The following WAS variants were observed in gnomAD, a reference collection of about 807,000 sequenced individuals.
The protein encoded by WAS is WASP actin nucleation promoting factor.
WAS carries 1 observed loss-of-function variant against 38.9 expected under a neutral mutation model. That is an observed-to-expected ratio of 0.03 (90% confidence interval 0.01 to 0.12). The LOEUF (loss-of-function observed/expected upper bound fraction) is 0.12. Ranked by LOEUF, WAS falls within the 10% of genes least tolerant of loss-of-function variation. WAS has a pLI of 1.00. For synonymous variants in WAS, 182 were observed against 173.6 expected, an observed-to-expected ratio of 1.05 and a Z score of -0.38; for missense variants, 311 against 431.2, an observed-to-expected ratio of 0.72 and a Z score of 2.47.
chrX:48,688,222 AC>A, intron 8 of WAS, 77 bp from the exon 9 acceptor site: 1 of 1,160,303 alleles, frequency 8.6e-7, no homozygotes. Context: ...GCTGGGATGG[AC>A]CCAACGACAA....
chrX:48,676,856 A>G (rs2062392177), intron 1 of WAS: 1 of 112,897 alleles, frequency 8.9e-6, no homozygotes, highest in Admixed American at 9.3e-5. Flanking sequence ...AGGGTCGCAC[A>G]CGCTGGAGAG....
chrX:48,686,917 G>A lies in WAS; in HGVS notation c.696G>A (p.Lys232=), dbSNP rs368379103. The stretch of plus-strand genomic sequence containing the variant: ...ATAAGAAACGCTCAGGGAAGAAGAA[G>A]ATCAGCAAAGCTGATATTGGTGCAC... ...PADKKRSGKK[K]ISKADIGAPS... is the part of the protein sequence containing the mutation. The change falls in exon 7 of 12, where the codon AAG becomes AAA. Residue 232 remains lysine, a synonymous_variant. Transcript: ENST00000376701. 7.9e-5 allele frequency: 96 copies of A among 1,208,697 alleles called. 1 individual carries two copies. The highest frequency in any genetic ancestry group is 1.0e-4 in the Non-Finnish European group (91 of 894,494).
chrX:48,688,934 G>A lies in WAS; in HGVS notation c.1206G>A (p.Pro402=), dbSNP rs1557007285. Residue 402 remains proline, a synonymous_variant, in exon 10 of 12, where the codon CCG becomes CCA. Coordinates refer to ENST00000376701, the MANE Select transcript of WAS (RefSeq NM_000377.3). ...PMPPPPPPPP[P]PPSSGNGPAP... ...CACCACCACCGCCACCACCGCCACC[G>A]CCGCCCAGCTCCGGGAATGGACCAG... The A allele has an allele frequency of 7.3e-6, 8 of 1,100,511 alleles. No homozygotes were observed. The South Asian group carries it at 8.0e-5, about 11-fold the overall frequency. The allele number at this position is 1,100,511 out of a possible 1,213,427, so 90.7% of individuals were successfully genotyped here. A position where few individuals can be genotyped will look rare whatever the true frequency, so the allele number is the denominator to read the frequency against.
Position 48,686,814 on chromosome X carries a change from C to T in WAS, c.593C>T (p.Ala198Val), listed in dbSNP as rs200261212. 2.3e-5 allele frequency: 28 copies of T among 1,210,027 alleles called. No individual in the cohort carries two copies. Among genetic ancestry groups the T allele is most frequent in the Middle Eastern group, 4.8e-4 (2 of 4,147 alleles). Residue 198 changes from alanine to valine, a missense_variant, in exon 7 of 12, where the codon GCG (alanine) becomes GTG (valine). Ala to Val is a moderately conservative substitution (Grantham distance 64, BLOSUM62 0). This residue lies in a region of WAS where 74 missense variants were observed against 131.2 expected (regional missense o/e 0.56). Transcript: ENST00000376701. ...GTGGGTCCGCTCTCCCTGGGGCTGG[C>T]GACAGTGGACATCCAGAACCCTGAC... is the stretch of plus-strand genomic sequence containing the variant. ...PPVGPLSLGL[A>V]TVDIQNPDIT... is the part of the protein sequence containing the mutation.
upstream of WAS, chrX:48,683,422 T>A: frequency 1.5e-5 from 2 of 133,287 alleles, no homozygotes; most frequent in South Asian, 4.1e-4. Context: ...CCTTCCGGAC[T>A]AGGGACCTCG....
At position 48,687,622 on chromosome X, in the gene WAS, T is replaced by C. The variant is rs138249592; in HGVS notation, c.735-432T>C. ...CAATGGATAAGTGAACAGAAGTGTG[T>C]GGTTGCATGGGTAGAAAAATGAGTG... is the stretch of plus-strand genomic sequence containing the variant. On this transcript the variant is annotated intron_variant, in intron 7 of 11. Coordinates refer to ENST00000376701, the MANE Select transcript of WAS (RefSeq NM_000377.3). 4.2e-3 allele frequency among the ~76,000 whole-genome samples: 459 copies of C among 109,896 alleles called. 1 individual carries two copies. The highest frequency in any genetic ancestry group is 6.7e-3 in the Non-Finnish European group (353 of 52,552).
Position 48,688,883 on chromosome X carries a change from C to T in WAS, c.1155C>T (p.Pro385=), listed in dbSNP as rs781854985. Residue 385 remains proline (P), a synonymous_variant, in exon 10 of 12, where the codon CCC becomes CCT. Coordinates refer to ENST00000376701, the MANE Select transcript of WAS (RefSeq NM_000377.3). ...GTTCTGGACCACTGCCCCCTCCACC[C>T]CCTGGAGCTGGTGGGCCACCCATGC... ...TGRSGPLPPP[P]PGAGGPPMPP... The T allele has an allele frequency of 1.7e-6, 2 of 1,166,982 alleles. No individual in the cohort carries two copies. Among genetic ancestry groups the T allele is most frequent in the African/African-American group, 1.8e-5 (1 of 56,413 alleles).
In WAS at chrX:48,687,027, G is replaced by A. The variant is rs781880558; in HGVS notation, c.734+72G>A. 171 of 1,126,458 alleles carry A rather than the reference G, an allele frequency of 1.5e-4. No homozygotes were observed. The South Asian group carries it at 3.1e-3, about 20-fold the overall frequency. The allele number at this position is 1,126,458 out of a possible 1,213,427, so 92.8% of individuals were successfully genotyped here. A position where few individuals can be genotyped will look rare whatever the true frequency, so the allele number is the denominator to read the frequency against. Reference sequence around the variant, plus strand: ...GGCACATGAACAAGTGGACAGCTGAGTGAATGGAAGGATGGGCAGATGGGC... The same window carrying A: ...GGCACATGAACAAGTGGACAGCTGAATGAATGGAAGGATGGGCAGATGGGC... On this transcript the variant is annotated intron_variant, in intron 7 of 11. Coordinates refer to ENST00000376701, the MANE Select transcript of WAS (RefSeq NM_000377.3).
At chrX:48,691,025 C>T (rs1261204858) in intron 11 of WAS, 82 bp from the exon 12 acceptor site, 1 of 927,079 alleles carries the variant, frequency 1.1e-6, no homozygotes, top group Non-Finnish European at 1.6e-6. Flanking sequence ...CTCAGAACCC[C>T]AGGGTCCAGT....
upstream of WAS, among the ~76,000 whole-genome samples, chrX:48,682,283 G>A (rs1557005871): frequency 8.9e-6 from 1 of 112,150 alleles, no homozygotes; most frequent in Non-Finnish European, 1.9e-5. Context: ...ACCATGGAAT[G>A]CTGTATGGCA....
intron 11 of WAS, 109 bp downstream of exon 11, chrX:48,689,543 A>G: frequency 4.6e-6 from 3 of 648,234 alleles, no homozygotes; most frequent in Non-Finnish European, 7.4e-6. Flanking sequence ...TCTGTTTGAC[A>G]GCATTAACAT....
In WAS at chrX:48,691,144, T is replaced by G. The variant is rs782607150; in HGVS notation, c.1491T>G (p.Asp497Glu). ...GEDQAGDEDE[D>E]DEWDD ...ACCAGGCTGGCGATGAAGATGAAGATGATGAATGGGATGACTGAGTGGCTG... is the reference window on the plus strand; with the variant it reads ...ACCAGGCTGGCGATGAAGATGAAGAGGATGAATGGGATGACTGAGTGGCTG... Residue 497 changes from aspartate to glutamate, a missense_variant, in exon 12 of 12, where the codon GAT becomes GAG. By Grantham distance (45) the Asp-to-Glu change is conservative (BLOSUM62 2). This residue lies in a region of WAS where 142 missense variants were observed against 157.6 expected (regional missense o/e 0.90). Coordinates refer to ENST00000376701, the MANE Select transcript of WAS (RefSeq NM_000377.3). The G allele has an allele frequency of 1.7e-6, 2 of 1,208,171 alleles. No individual in the cohort carries two copies. The highest frequency in any genetic ancestry group is 3.5e-5 in the African/African-American group (2 of 56,513).
In WAS at chrX:48,683,845, G is replaced by T; in HGVS notation, c.-9G>T. On this transcript the variant is annotated 5_prime_UTR_variant, in exon 1 of 12. Transcript: ENST00000376701. ...AGCCTCGCCAGAGAAGACAAGGGCA[G>T]AAAGCACCATGAGTGGGGGCCCAAT... 1 of 1,211,451 alleles carries T rather than the reference G, an allele frequency of 8.3e-7. No individual in the cohort carries two copies. The highest frequency in any genetic ancestry group is 1.8e-5 in the South Asian group (1 of 56,957).
At position 48,688,925 on chromosome X, in the gene WAS, A is replaced by G. The variant is rs1602179584; in HGVS notation, c.1197A>G (p.Pro399=). ...GGPPMPPPPP[P]PPPPPSSGNG... is the part of the protein sequence containing the mutation. ...CACCCATGCCACCACCACCGCCACC[A>G]CCGCCACCGCCGCCCAGCTCCGGGA... is the stretch of plus-strand genomic sequence containing the variant. The change falls in exon 10 of 12, where the codon CCA becomes CCG. Residue 399 remains proline, a synonymous_variant. Coordinates refer to ENST00000376701, the MANE Select transcript of WAS (RefSeq NM_000377.3). 3 of 1,116,873 alleles carry G rather than the reference A, an allele frequency of 2.7e-6. No homozygotes were observed. The highest frequency in any genetic ancestry group is 3.5e-6 in the Non-Finnish European group (3 of 847,179). 92.0% of individuals were successfully genotyped at this position (1,116,873 alleles called of 1,213,427 possible). A position where few individuals can be genotyped will look rare whatever the true frequency, so the allele number is the denominator to read the frequency against.
rs1429342265 is a variant in WAS, at chrX:48,688,709, C to G, written c.981C>G (p.Pro327=). Residue 327 remains proline (P), a synonymous_variant, in exon 10 of 12, where the codon CCC becomes CCG. Coordinates refer to ENST00000376701, the MANE Select transcript of WAS (RefSeq NM_000377.3). The stretch of plus-strand genomic sequence containing the variant: ...CATCTCGAGGAGGGAACCAGCTCCC[C>G]CGGCCCCCTATTGTGGGGGGTAACA... ...PPPSRGGNQL[P]RPPIVGGNKG... is the part of the protein sequence containing the mutation. 8.4e-7 allele frequency: 1 copy of G among 1,183,507 alleles called. No individual in the cohort carries two copies. Among genetic ancestry groups the G allele is most frequent in the Non-Finnish European group, 1.1e-6 (1 of 881,857 alleles).
chrX:48,688,754 G>C lies in WAS; in HGVS notation c.1026G>C (p.Leu342=), dbSNP rs2062428535. 1 of 1,162,842 alleles carries C rather than the reference G, an allele frequency of 8.6e-7. No individual in the cohort carries two copies. The highest frequency in any genetic ancestry group is 3.0e-5 in the East Asian group (1 of 33,128). The part of the protein sequence containing the change: ...VGGNKGRSGP[L]PPVPLGIAPP... ...GTAACAAGGGTCGTTCTGGTCCACT[G>C]CCCCCTGTACCTTTGGGGATTGCCC... The change falls in exon 10 of 12, where the codon CTG becomes CTC. Residue 342 remains leucine (L), a synonymous_variant. Transcript: ENST00000376701.
chrX:48,688,882 C>A lies in WAS; in HGVS notation c.1154C>A (p.Pro385His). 8.6e-7 allele frequency: 1 copy of A among 1,166,170 alleles called. No homozygotes were observed. Among genetic ancestry groups the A allele is most frequent in the Non-Finnish European group, 1.1e-6 (1 of 872,300 alleles). ...TGRSGPLPPP[P>H]PGAGGPPMPP... is the part of the protein sequence containing the mutation. ...CGTTCTGGACCACTGCCCCCTCCAC[C>A]CCCTGGAGCTGGTGGGCCACCCATG... Residue 385 changes from proline to histidine, a missense_variant, in exon 10 of 12, where the codon CCC (proline) becomes CAC (histidine). Pro to His is a moderately conservative substitution (Grantham distance 77, BLOSUM62 -2). Coordinates refer to ENST00000376701, the MANE Select transcript of WAS (RefSeq NM_000377.3).
chrX:48,684,566 G>A, intron 2 of WAS, 143 bp downstream of exon 2: 9 of 811,376 alleles, frequency 1.1e-5, no homozygotes, highest in Non-Finnish European at 1.6e-5. Flanking sequence ...TCATCCAGAT[G>A]GCAAACTCTG....
At position 48,688,726 on chromosome X, in the gene WAS, G is replaced by T. The variant is rs782659259; in HGVS notation, c.998G>T (p.Gly333Val). 1.7e-6 allele frequency: 2 copies of T among 1,176,328 alleles called. No homozygotes were observed. Among genetic ancestry groups the T allele is most frequent in the African/African-American group, 1.8e-5 (1 of 56,424 alleles). ...CAGCTCCCCCGGCCCCCTATTGTGG[G>T]GGGTAACAAGGGTCGTTCTGGTCCA... is the stretch of plus-strand genomic sequence containing the variant. The part of the protein sequence containing the change: ...GNQLPRPPIV[G>V]GNKGRSGPLP... The change falls in exon 10 of 12, where the codon GGG becomes GTG. Residue 333 changes from glycine (G) to valine (V), a missense_variant. Physicochemically the swap from Gly to Val is moderately radical, Grantham distance 109. Around this residue, in one of 4 missense-constraint regions of WAS, gnomAD observed 142 missense variants for 157.6 expected, o/e 0.90. Transcript: ENST00000376701.
Sources: gnomAD v4.1 joint callset for allele counts (sites outside exome capture counted in the v4.1 genomes callset) on GRCh38, gnomAD v4.1.1 for gene constraint, gnomAD v4.1.1 regional missense constraint, MANE v1.5 for transcripts, NCBI Gene and HGNC (gene_info 2026-07-23, HGNC 2026-07-21) for gene names.